The following ALKBH4 variants were observed in gnomAD, a reference collection of about 807,000 sequenced individuals.
ALKBH4 encodes the protein alkB homolog 4, lysine demethylase.
Under a neutral mutation model 12.1 loss-of-function variants are expected in ALKBH4, and 8 were observed. The ratio of observed to expected loss-of-function variants is 0.66; its 90% CI spans 0.39 to 1.19. The LOEUF is 1.19. Among genes scored for constraint, ALKBH4 ranks in the 50% most tolerant of loss-of-function variants. ALKBH4 has a pLI of 0.01. For synonymous variants in ALKBH4, 195 were observed against 191.6 expected, an observed-to-expected ratio of 1.02 and a Z score of -0.15; for missense variants, 403 against 430.4, an observed-to-expected ratio of 0.94 and a Z score of 0.56.
chr7:102,456,390 G>A lies in ALKBH4; in HGVS notation c.*1004C>T, dbSNP rs1208866550. 1 of 152,328 alleles carries A rather than the reference G, an allele frequency of 6.6e-6. No individual in the cohort carries two copies. Among genetic ancestry groups the A allele is most frequent in the African/African-American group, 2.4e-5 (1 of 41,442 alleles). The allele number at this position is 152,328 out of a possible 1,614,324, so 9.4% of individuals were successfully genotyped here. On this transcript the variant is annotated 3_prime_UTR_variant, in exon 3 of 3. Coordinates refer to ENST00000292566, the MANE Select transcript of ALKBH4 (RefSeq NM_017621.4). ...CTTTCGAGTAGCTGGGACTACAGGT[G>A]TGTGCCACCATGCCCAGACGCCCAG... is the stretch of plus-strand genomic sequence containing the variant.
chr7:102,460,325 A>C, intron 1 of ALKBH4, among the ~76,000 whole-genome samples: 1 of 58,674 alleles, frequency 1.7e-5, no homozygotes, highest in African/African-American at 5.4e-5. Context: ...ACCCTGTCTC[A>C]AAAAAAAAAA....
chr7:102,464,084 A>G (rs1434510500), intron 1 of ALKBH4, among the ~76,000 whole-genome samples: 1 of 149,868 alleles, frequency 6.7e-6, no homozygotes, highest in Non-Finnish European at 1.5e-5. Context: ...CACCTGAGGC[A>G]TCACCAATCC....
At chr7:102,458,698 T>C (rs368521035) in intron 2 of ALKBH4, among the ~76,000 whole-genome samples, 18 of 149,738 alleles carry the variant, frequency 1.2e-4, no homozygotes, top group Non-Finnish European at 2.4e-4. Flanking sequence ...ATATCACATA[T>C]TGCACTCCAG....
At chr7:102,461,557 G>A (rs1174573025) in intron 1 of ALKBH4, among the ~76,000 whole-genome samples, 1 of 152,028 alleles carries the variant, frequency 6.6e-6, no homozygotes, top group African/African-American at 2.4e-5. Flanking sequence ...TAGAGACGAG[G>A]TTTCACCATG....
rs1023104549 is a variant in ALKBH4 at position 102,457,694 on chromosome 7, G to A, written c.609C>T (p.Leu203=). Residue 203 remains leucine, a synonymous_variant, in exon 3 of 3, where the codon CTC becomes CTT. Transcript: ENST00000292566. This position sits in a 1 kb window ranked among gnomAD's most constrained non-coding sequence, Gnocchi z 5.9. ...MCREAPGSLL[L]CSAPSAAPEA... The stretch of plus-strand genomic sequence containing the variant: ...CCGGGGCAGCCGACGGGGCCGAGCA[G>A]AGGAGCAGGCTCCCGGGCGCCTCCC... 3.9e-6 allele frequency: 6 copies of A among 1,557,036 alleles called. No individual in the cohort carries two copies. Among genetic ancestry groups the A allele is most frequent in the Non-Finnish European group, 5.2e-6 (6 of 1,155,844 alleles).
Position 102,457,812 on chromosome 7 carries a change from G to A in ALKBH4, c.491C>T (p.Ser164Phe), listed in dbSNP as rs1586728283. The change falls in exon 3 of 3, where the codon TCT (serine) becomes TTT (phenylalanine). Residue 164 changes from serine to phenylalanine, a missense_variant. Physicochemically the swap from Ser to Phe is radical, Grantham distance 155. Coordinates refer to ENST00000292566, the MANE Select transcript of ALKBH4 (RefSeq NM_017621.4). The surrounding 1 kb of genome is among the most constrained non-coding windows in gnomAD (Gnocchi z 5.9). ...GTCGTCCAGGTGGGGGTCAATGGCA[G>A]AGCCCCGCTCGGGGCAGTAGTCCAG... is the stretch of plus-strand genomic sequence containing the variant. ...CNLDYCPERG[S>F]AIDPHLDDAW... 6.2e-7 allele frequency: 1 copy of A among 1,608,880 alleles called. No homozygotes were observed. The highest frequency in any genetic ancestry group is 8.5e-7 in the Non-Finnish European group (1 of 1,179,312).
chr7:102,459,812 A>C lies in ALKBH4; in HGVS notation c.124-11T>G, dbSNP rs1429531302. 1 of 1,581,342 alleles carries C rather than the reference A, an allele frequency of 6.3e-7. No homozygotes were observed. The highest frequency in any genetic ancestry group is 1.4e-5 in the African/African-American group (1 of 74,012). On this transcript the variant is annotated splice_polypyrimidine_tract_variant and intron_variant, in intron 1 of 2. Coordinates refer to ENST00000292566, the MANE Select transcript of ALKBH4 (RefSeq NM_017621.4). ...GAAACGGTATGTTTTCTGCAAAAGA[A>C]ACACAAGTCCACAGGCTGGGCAACA...
At chr7:102,461,571 A>C (rs1797795735) in intron 1 of ALKBH4, among the ~76,000 whole-genome samples, 1 of 151,970 alleles carries the variant, frequency 6.6e-6, no homozygotes, top group Non-Finnish European at 1.5e-5. Flanking sequence ...CACCATGTTG[A>C]CCAGGATGGT....
intron 1 of ALKBH4, among the ~76,000 whole-genome samples, chr7:102,464,399 G>A (rs1167287529): frequency 6.6e-6 from 1 of 151,960 alleles, no homozygotes; most frequent in Non-Finnish European, 1.5e-5. Flanking sequence ...CAGCACCCTC[G>A]ATCGACCCTT....
At chr7:102,458,464 G>C (rs1797710504) in intron 2 of ALKBH4, among the ~76,000 whole-genome samples, 1 of 152,176 alleles carries the variant, frequency 6.6e-6, no homozygotes, top group Admixed American at 6.6e-5. Flanking sequence ...AGCTACTTAG[G>C]AGGCTGAGGT....
chr7:102,462,388 G>A (rs1797817999), intron 1 of ALKBH4, among the ~76,000 whole-genome samples: 1 of 151,066 alleles, frequency 6.6e-6, no homozygotes. Flanking sequence ...TTTTTTGTTT[G>A]AGGCAGGGTC....
At chr7:102,460,214 A>G (rs1797763140) in intron 1 of ALKBH4, among the ~76,000 whole-genome samples, 1 of 151,420 alleles carries the variant, frequency 6.6e-6, no homozygotes, top group Non-Finnish European at 1.5e-5. Context: ...CATTTCAGCT[A>G]CTCAGGAGGC....
In ALKBH4 at chr7:102,457,336, G is replaced by T. The variant is rs184462614; in HGVS notation, c.*58C>A. 5.6e-4 allele frequency: 863 copies of T among 1,542,356 alleles called. 7 individuals are homozygous for T. The African/African-American group carries it at 0.01, about 18-fold the overall frequency. On this transcript the variant is annotated 3_prime_UTR_variant, in exon 3 of 3. Transcript: ENST00000292566. This position sits in a 1 kb window ranked among gnomAD's most constrained non-coding sequence, Gnocchi z 5.9. Reference sequence around the variant, plus strand: ...AACCCCGTGAGTTGCAGGAGGCCCTGTTCTGTGCTCCTCATTTCAATCCCG... The same window carrying T: ...AACCCCGTGAGTTGCAGGAGGCCCTTTTCTGTGCTCCTCATTTCAATCCCG...
intron 1 of ALKBH4, among the ~76,000 whole-genome samples, chr7:102,461,896 T>C (rs11764446): frequency 0.88 from 134,439 of 152,126 alleles, 59,752 homozygotes; most frequent in East Asian, 0.96. Context: ...CTCTTCCTCT[T>C]CCATCTCCAG....
At chr7:102,464,608 G>A in intron 1 of ALKBH4, 106 bp downstream of exon 1, 1 of 1,402,600 alleles carries the variant, frequency 7.1e-7, no homozygotes, top group Non-Finnish European at 9.3e-7. Context: ...TACCGTAAGG[G>A]TCCCTCACAG....
chr7:102,458,341 A>G (rs1322345221), intron 2 of ALKBH4, among the ~76,000 whole-genome samples: 1 of 152,090 alleles, frequency 6.6e-6, no homozygotes, highest in African/African-American at 2.4e-5. Flanking sequence ...AGGCCCAGGC[A>G]GGTGGATCGT....
Position 102,457,895 on chromosome 7 carries a change from C to T in ALKBH4, c.408G>A (p.Val136=), listed in dbSNP as rs1414292450. Reference sequence around the variant, plus strand: ...GCCCCGGGTAGAGGCCCATCCTCCGCACCACCTCCCGGCTGAAGCTGGGGA... The same window carrying T: ...GCCCCGGGTAGAGGCCCATCCTCCGTACCACCTCCCGGCTGAAGCTGGGGA... ...CGLPSFSREV[V]RRMGLYPGLE... The change falls in exon 3 of 3, where the codon GTG becomes GTA. Residue 136 remains valine (V), a synonymous_variant. Coordinates refer to ENST00000292566, the MANE Select transcript of ALKBH4 (RefSeq NM_017621.4). The surrounding 1 kb of genome is among the most constrained non-coding windows in gnomAD (Gnocchi z 5.9). 3.1e-6 allele frequency: 5 copies of T among 1,613,302 alleles called. No homozygotes were observed. Among genetic ancestry groups the T allele is most frequent in the Non-Finnish European group, 3.4e-6 (4 of 1,180,016 alleles).
At chr7:102,464,038 TC>T (rs67493080) in intron 1 of ALKBH4, among the ~76,000 whole-genome samples, 14,598 of 141,674 alleles carry the variant, frequency 0.1, 880 homozygotes, top group Middle Eastern at 0.22. Flanking sequence ...TGATCAGACC[TC>T]CCCCCCCCCA....
intron 2 of ALKBH4, among the ~76,000 whole-genome samples, chr7:102,458,975 G>A (rs1032526835): frequency 1.3e-5 from 2 of 151,824 alleles, no homozygotes; most frequent in African/African-American, 2.4e-5. Context: ...GTGAAACCCC[G>A]TCTCCACTAA....
Sources: allele counts gnomAD v4.1 joint callset (sites outside exome capture counted in the v4.1 genomes callset), GRCh38; gene constraint gnomAD v4.1.1; non-coding constraint Gnocchi (gnomAD v3.1); transcripts MANE v1.5; gene names NCBI Gene and HGNC (gene_info 2026-07-23, HGNC 2026-07-21).